RTRAF: variants seen among roughly 807,000 people sequenced by gnomAD.
The protein encoded by RTRAF is tRNA-splicing ligase complex subunit RTRAF.
In RTRAF, 14 loss-of-function variants were observed where a neutral mutation model predicts 34.4. That is an observed-to-expected ratio of 0.41 (90% confidence interval 0.27 to 0.64). RTRAF has a LOEUF of 0.64. RTRAF is among the 30% of genes least tolerant of loss of function. RTRAF has a pLI of 0.34. For missense variants in RTRAF, 291 were observed against 288.4 expected, an observed-to-expected ratio of 1.01 and a Z score of -0.06; for synonymous variants, 96 against 95.3, an observed-to-expected ratio of 1.01 and a Z score of -0.04.
At chr14:51,994,286 T>C (rs1411766430) in intron 3 of RTRAF, among the ~76,000 whole-genome samples, 1 of 152,232 alleles carries the variant, frequency 6.6e-6, no homozygotes, top group Non-Finnish European at 1.5e-5. Context: ...TTAGTACCTA[T>C]AGTAAAAACA....
chr14:51,994,146 C>G (rs1890480148), intron 3 of RTRAF, among the ~76,000 whole-genome samples: 1 of 152,136 alleles, frequency 6.6e-6, no homozygotes, highest in Admixed American at 6.5e-5. Flanking sequence ...AGTGTTGTTG[C>G]AGTAGGTAAT....
At chr14:51,998,611 C>G (rs369423657) in intron 4 of RTRAF, 31 bp downstream of exon 4, 2 of 1,414,034 alleles carry the variant, frequency 1.4e-6, no homozygotes, top group African/African-American at 3.0e-5. Context: ...CATTGAACAT[C>G]AACATTTTTG....
intron 3 of RTRAF, 35 bp downstream of exon 3, chr14:51,993,857 G>T (rs780760130): frequency 7.8e-7 from 1 of 1,281,588 alleles, no homozygotes; most frequent in South Asian, 1.3e-5. Flanking sequence ...TTTAAAGAGA[G>T]AGGAAAGATG....
At chr14:51,997,806 T>C (rs1488818700) in intron 3 of RTRAF, 3 of 151,788 alleles carry the variant, frequency 2.0e-5, no homozygotes, top group Non-Finnish European at 4.4e-5. Flanking sequence ...TTTAATGAGT[T>C]TGTATTTAAT....
intron 3 of RTRAF, among the ~76,000 whole-genome samples, chr14:51,994,150 A>T (rs1051403528): frequency 2.0e-5 from 3 of 152,222 alleles, no homozygotes; most frequent in African/African-American, 7.2e-5. Context: ...TTGTTGCAGT[A>T]GGTAATTTCT....
rs754581121 is a variant in RTRAF at position 52,005,437 on chromosome 14, G to A, written c.*921G>A. 6 of 1,516,700 alleles carry A rather than the reference G, an allele frequency of 4.0e-6. No homozygotes were observed. Among genetic ancestry groups the A allele is most frequent in the Middle Eastern group, 1.8e-4 (1 of 5,686 alleles). The allele number at this position is 1,516,700 out of a possible 1,614,324, so 94.0% of individuals were successfully genotyped here. A position where few individuals can be genotyped will look rare whatever the true frequency, so the allele number is the denominator to read the frequency against. On this transcript the variant is annotated 3_prime_UTR_variant, in exon 8 of 8. Coordinates refer to ENST00000261700, the MANE Select transcript of RTRAF (RefSeq NM_016039.3). ...TGCCTTTGCAGTCACTGTTCTTTAG[G>A]GTCCAGGTTCTGATTGTAAACTCCA... is the stretch of plus-strand genomic sequence containing the variant.
At chr14:51,993,932 G>C (rs1890476272) in intron 3 of RTRAF, 110 bp downstream of exon 3, 1 of 585,366 alleles carries the variant, frequency 1.7e-6, no homozygotes, top group African/African-American at 2.0e-5. Flanking sequence ...TTTTACCTTT[G>C]GTTTATTCTT....
chr14:52,005,784 C>G lies in RTRAF; in HGVS notation c.*1268C>G, dbSNP rs149021065. The G allele has an allele frequency of 1.9e-6, 3 of 1,613,762 alleles. No homozygotes were observed. The highest frequency in any genetic ancestry group is 2.5e-6 in the Non-Finnish European group (3 of 1,179,830). On this transcript the variant is annotated 3_prime_UTR_variant, in exon 8 of 8. Coordinates refer to ENST00000261700, the MANE Select transcript of RTRAF (RefSeq NM_016039.3). ...TGCAGTTATCCCGTAGAGGTGAGAT[C>G]GTTGTTCTGGGAGATACTCATCAGT...
intron 1 of RTRAF, among the ~76,000 whole-genome samples, chr14:51,990,644 T>C (rs1890417631): frequency 6.6e-6 from 1 of 152,226 alleles, no homozygotes; most frequent in Admixed American, 6.5e-5. Flanking sequence ...AGCCTTGTTC[T>C]GGATTGGAAT....
At chr14:52,003,379 C>G (rs1362633434) in intron 6 of RTRAF, among the ~76,000 whole-genome samples, 1 of 152,054 alleles carries the variant, frequency 6.6e-6, no homozygotes, top group Non-Finnish European at 1.5e-5. Context: ...TTCAGACTTA[C>G]ATGTGTTAGC....
At chr14:51,995,598 G>A (rs2140328222) in intron 3 of RTRAF, among the ~76,000 whole-genome samples, 1 of 152,224 alleles carries the variant, frequency 6.6e-6, no homozygotes, top group East Asian at 1.9e-4. Flanking sequence ...TATTGTGTCT[G>A]TCACAGTACC....
At chr14:51,999,878 T>C in intron 5 of RTRAF, 82 bp downstream of exon 5, 5 of 960,102 alleles carry the variant, frequency 5.2e-6, no homozygotes, top group Non-Finnish European at 7.9e-6. Flanking sequence ...ACTATTGATA[T>C]TAAAATTATG....
chr14:52,004,141 A>G, intron 6 of RTRAF, 53 bp from the exon 7 acceptor site: 6 of 1,473,308 alleles, frequency 4.1e-6, no homozygotes, highest in Non-Finnish European at 5.6e-6. Context: ...AGTTGAGGAA[A>G]GGATGCTATT....
In RTRAF at chr14:52,004,857, T is replaced by TACATCTTTGGTATTTATAAATGTGATAC. The variant is rs1415205017; in HGVS notation, c.*342_*369dup. On this transcript the variant is annotated 3_prime_UTR_variant, in exon 8 of 8. Transcript: ENST00000261700. The stretch of plus-strand genomic sequence containing the variant: ...GTAATCTAGAAAATTTTAAAATTGT[T>TACATCTTTGGTATTTATAAATGTGATAC]ACATCTTTGGTATTTATAAATGTGA... 5.5e-6 allele frequency: 1 copy of TACATCTTTGGTATTTATAAATGTGATAC among 182,842 alleles called. No individual in the cohort carries two copies. Among genetic ancestry groups the TACATCTTTGGTATTTATAAATGTGATAC allele is most frequent in the Non-Finnish European group, 1.1e-5 (1 of 89,116 alleles). The allele number at this position is 182,842 out of a possible 1,614,324, so 11.3% of individuals were successfully genotyped here.
chr14:52,006,258 T>C lies in RTRAF; in HGVS notation c.*1742T>C, dbSNP rs1890777416. ...TCTCTAAAGAACATATTTAGATTAA[T>C]ATGCTCCCTTTTGAGACATTATCCA... On this transcript the variant is annotated 3_prime_UTR_variant, in exon 8 of 8. Coordinates refer to ENST00000261700, the MANE Select transcript of RTRAF (RefSeq NM_016039.3). 2.4e-6 allele frequency: 1 copy of C among 417,588 alleles called. No individual in the cohort carries two copies. Among genetic ancestry groups the C allele is most frequent in the Non-Finnish European group, 4.4e-6 (1 of 227,440 alleles). 25.9% of individuals were successfully genotyped at this position (417,588 alleles called of 1,614,324 possible).
At position 52,006,846 on chromosome 14, in the gene RTRAF, C is replaced by T; in HGVS notation, c.*2330C>T. ...CTCCAGTTTTTAGTAGAGATTCAAA[C>T]TTTCAATCCTTTTTTGGAAGACAGG... On this transcript the variant is annotated 3_prime_UTR_variant, in exon 8 of 8. Transcript: ENST00000261700. 1 of 480,776 alleles carries T rather than the reference C, an allele frequency of 2.1e-6. No homozygotes were observed. Among genetic ancestry groups the T allele is most frequent in the East Asian group, 3.9e-5 (1 of 25,946 alleles). The allele number at this position is 480,776 out of a possible 1,614,324, so 29.8% of individuals were successfully genotyped here.
chr14:52,003,804 AAG>A (rs748469662), intron 6 of RTRAF, among the ~76,000 whole-genome samples: 15,582 of 152,320 alleles, frequency 0.1, 1,006 homozygotes, highest in East Asian at 0.15. Context: ...AATGGAATAT[AAG>A]GTACTATTTT....
chr14:51,993,332 AGTTAAG>A (rs1431747147), intron 2 of RTRAF, among the ~76,000 whole-genome samples: 12 of 152,112 alleles, frequency 7.9e-5, no homozygotes, highest in Non-Finnish European at 1.2e-4. Flanking sequence ...ATAATATGAA[AGTTAAG>A]GTTTAGATAG....
At chr14:52,002,034 G>T in intron 6 of RTRAF, 168 bp downstream of exon 6, 2 of 606,618 alleles carry the variant, frequency 3.3e-6, no homozygotes, top group Non-Finnish European at 5.6e-6. Flanking sequence ...TGTATTCAGT[G>T]GCTAGGGGGT....
Sources: gnomAD v4.1 joint callset for allele counts (sites outside exome capture counted in the v4.1 genomes callset) on GRCh38, gnomAD v4.1.1 for gene constraint, MANE v1.5 for transcripts, NCBI Gene and HGNC (gene_info 2026-07-23, HGNC 2026-07-21) for gene names.